The following EPC1 variants were observed in gnomAD, a reference collection of about 807,000 sequenced individuals.
The protein encoded by EPC1 is enhancer of polycomb 1.
EPC1 carries 12 observed loss-of-function variants against 98.4 expected under a neutral mutation model. That is an observed-to-expected ratio of 0.12 (90% confidence interval 0.08 to 0.20). EPC1 has a LOEUF of 0.20. Ranked by LOEUF, EPC1 falls within the 10% of genes least tolerant of loss-of-function variation. The pLI, the probability that EPC1 is intolerant of heterozygous loss-of-function variation, is 1.00. For missense variants in EPC1, 729 were observed against 990.5 expected, an observed-to-expected ratio of 0.74 and a Z score of 3.54; for synonymous variants, 357 against 363.9, an observed-to-expected ratio of 0.98 and a Z score of 0.21.
chr10:32,312,599 C>A (rs967464667), intron 1 of EPC1, among the ~76,000 whole-genome samples: 1 of 152,102 alleles, frequency 6.6e-6, no homozygotes, highest in Non-Finnish European at 1.5e-5. Flanking sequence ...ACCTGCACCC[C>A]CAATCTAAGC....
intron 1 of EPC1, among the ~76,000 whole-genome samples, chr10:32,310,109 C>T (rs1836120250): frequency 6.6e-6 from 1 of 152,108 alleles, no homozygotes; most frequent in African/African-American, 2.4e-5. Flanking sequence ...GCAAGAGAAT[C>T]GCTTGAACCC....
chr10:32,303,166 G>GC, intron 2 of EPC1, among the ~76,000 whole-genome samples: 1 of 152,118 alleles, frequency 6.6e-6, no homozygotes, highest in Admixed American at 6.5e-5. Context: ...AGCCATGTGT[G>GC]GTGGTGCACA....
chr10:32,321,657 G>A (rs562201668), intron 1 of EPC1, among the ~76,000 whole-genome samples: 3 of 151,868 alleles, frequency 2.0e-5, no homozygotes, highest in Admixed American at 6.6e-5. Flanking sequence ...AAAAAAAACC[G>A]TATCACTATG....
At chr10:32,371,455 T>C (rs928864738) in intron 1 of EPC1, among the ~76,000 whole-genome samples, 1 of 152,174 alleles carries the variant, frequency 6.6e-6, no homozygotes, top group African/African-American at 2.4e-5. Flanking sequence ...AGATGGACCT[T>C]GATATTGAGC....
At chr10:32,272,883 G>T in intron 11 of EPC1, 1 of 688,362 alleles carries the variant, frequency 1.5e-6, no homozygotes, top group Non-Finnish European at 2.5e-6. Context: ...AACTGGGTGG[G>T]GTTATATATT....
chr10:32,324,936 G>A (rs1336706705), intron 1 of EPC1, among the ~76,000 whole-genome samples: 4 of 152,120 alleles, frequency 2.6e-5, no homozygotes, highest in African/African-American at 4.8e-5. Flanking sequence ...GGTAACTGAC[G>A]TTGCAGTGAG....
At chr10:32,300,331 G>A (rs1292575712) in intron 2 of EPC1, among the ~76,000 whole-genome samples, 3 of 151,810 alleles carry the variant, frequency 2.0e-5, no homozygotes, top group Non-Finnish European at 4.4e-5. Context: ...TGCCATGTTG[G>A]TGTGCTGCAC....
chr10:32,326,879 G>A (rs559834851), intron 1 of EPC1, among the ~76,000 whole-genome samples: 5 of 149,602 alleles, frequency 3.3e-5, no homozygotes, highest in African/African-American at 7.4e-5. Context: ...ACGTCTATTA[G>A]AAAGACAAAA....
In EPC1 at chr10:32,358,834, G is replaced by C. The variant is rs148289759; in HGVS notation, c.3+19657C>G. The stretch of plus-strand genomic sequence containing the variant: ...TATCAGTATTTCTTTCCAGATATTA[G>C]TTTAGCATTTTCAAAAACTAGGCTC... On this transcript the variant is annotated intron_variant, in intron 1 of 13. Transcript: ENST00000375110. 4.1e-3 allele frequency among the ~76,000 whole-genome samples: 618 copies of C among 152,186 alleles called. 7 individuals carry two copies. The highest frequency in any genetic ancestry group is 0.014 in the African/African-American group (587 of 41,518).
intron 1 of EPC1, among the ~76,000 whole-genome samples, chr10:32,369,867 CAATTA>C (rs1839700107): frequency 6.6e-6 from 1 of 152,104 alleles, no homozygotes; most frequent in East Asian, 1.9e-4. Context: ...CTAAAGAAGG[CAATTA>C]TATGTACTAA....
Position 32,305,828 on chromosome 10 carries a change from T to C in EPC1, c.257A>G (p.Tyr86Cys). Residue 86 changes from tyrosine to cysteine, a missense_variant, in exon 2 of 14, where the codon TAT becomes TGT. Tyr to Cys is a radical substitution (Grantham distance 194). This residue lies in a region of EPC1 where 46 missense variants were observed against 119.7 expected (regional missense o/e 0.38). Transcript: ENST00000319778. Reference protein sequence around the residue: ...VPEAESNIAYYESIYPGEFKM... With the variant: ...VPEAESNIAYCESIYPGEFKM... Reference sequence around the variant, plus strand: ...AAATTCCCCAGGATATATAGACTCATAGTAAGCAATATTACTTTCTGCCTC... The same window carrying C: ...AAATTCCCCAGGATATATAGACTCACAGTAAGCAATATTACTTTCTGCCTC... 1 of 1,613,050 alleles carries C rather than the reference T, an allele frequency of 6.2e-7. No homozygotes were observed. Among genetic ancestry groups the C allele is most frequent in the Non-Finnish European group, 8.5e-7 (1 of 1,179,554 alleles).
chr10:32,377,522 T>A (rs1839894025), intron 1 of EPC1: 1 of 152,246 alleles, frequency 6.6e-6, no homozygotes. Flanking sequence ...GCAAACTGCA[T>A]GCCTGTCCCT....
At chr10:32,304,420 A>G (rs1025998723) in intron 2 of EPC1, among the ~76,000 whole-genome samples, 8 of 152,228 alleles carry the variant, frequency 5.3e-5, no homozygotes, top group Admixed American at 3.9e-4. Context: ...CCACCTTGGC[A>G]TGATTTTCTG....
intron 1 of EPC1, among the ~76,000 whole-genome samples, chr10:32,307,144 A>G (rs1484596461): frequency 6.6e-6 from 1 of 152,186 alleles, no homozygotes; most frequent in Non-Finnish European, 1.5e-5. Context: ...TACATTCCTT[A>G]CAATAGCTGC....
chr10:32,271,271 G>A (rs1160231963), intron 13 of EPC1, among the ~76,000 whole-genome samples: 2 of 152,128 alleles, frequency 1.3e-5, no homozygotes, highest in Non-Finnish European at 2.9e-5. Context: ...GATTACAGGC[G>A]TGAGCCACTG....
At chr10:32,354,427 C>T (rs1411685740) in intron 1 of EPC1, among the ~76,000 whole-genome samples, 1 of 151,978 alleles carries the variant, frequency 6.6e-6, no homozygotes, top group East Asian at 1.9e-4. Context: ...GCACTCCAGC[C>T]TGGGCGACAG....
chr10:32,372,791 C>T (rs542167967), intron 1 of EPC1, among the ~76,000 whole-genome samples: 22 of 152,260 alleles, frequency 1.4e-4, no homozygotes, highest in East Asian at 7.7e-4. Flanking sequence ...GCAGCCGAGG[C>T]GGGTGGATCA....
intron 1 of EPC1, among the ~76,000 whole-genome samples, chr10:32,370,547 G>C (rs968007159): frequency 6.6e-6 from 1 of 152,166 alleles, no homozygotes; most frequent in Non-Finnish European, 1.5e-5. Flanking sequence ...TTAAGTTTCT[G>C]GGTGATTCTC....
chr10:32,286,401 T>C lies in EPC1; in HGVS notation c.1391+293A>G, dbSNP rs79141399. 5.9e-3 allele frequency: 2,432 copies of C among 409,736 alleles called. 21 individuals are homozygous for C. Among genetic ancestry groups the C allele is most frequent in the Middle Eastern group, 0.021 (32 of 1,520 alleles). 25.4% of individuals were successfully genotyped at this position (409,736 alleles called of 1,614,324 possible). ...CACTGTGTGCAATCAGGATTTACAC[T>C]TGTCTTCATCTGTTGCCCTTTCTCA... On this transcript the variant is annotated intron_variant, in intron 9 of 13. Coordinates refer to ENST00000319778, the MANE Select transcript of EPC1 (RefSeq NM_001272004.3).
Sources: gnomAD v4.1 joint callset for allele counts (sites outside exome capture counted in the v4.1 genomes callset) on GRCh38, gnomAD v4.1.1 for gene constraint, gnomAD v4.1.1 regional missense constraint, MANE v1.5 for transcripts, NCBI Gene and HGNC (gene_info 2026-07-23, HGNC 2026-07-21) for gene names.